Variants in INPP4B observed in about 807,000 individuals in gnomAD.
INPP4B encodes inositol polyphosphate-4-phosphatase type II B, also known as inositol polyphosphate 4-phosphatase type II.
INPP4B carries 55 observed loss-of-function variants against 122.5 expected under a neutral mutation model. The observed-to-expected ratio is 0.45, with a 90% CI of 0.36 to 0.56. INPP4B has a LOEUF of 0.56. INPP4B is among the 20% of genes least tolerant of loss of function. The pLI is 0.00. For synonymous variants in INPP4B, 403 were observed against 388.7 expected, an observed-to-expected ratio of 1.04 and a Z score of -0.43; for missense variants, 1,000 against 1,097.7, an observed-to-expected ratio of 0.91 and a Z score of 1.26.
rs569404116 is a variant in INPP4B, at chr4:142,814,978, C to T, written c.-254+31231G>A. Among the ~76,000 whole-genome samples, 6 of 152,218 alleles carry T rather than the reference C, an allele frequency of 3.9e-5. No homozygotes were observed. In the South Asian group the frequency reaches 6.2e-4, roughly 16 times the overall value. ...TGCTGCAGTGGAGACTCCTGATAAA[C>T]ACTACCTTATCAGGTGATCAAGGTT... On this transcript the variant is annotated intron_variant, in intron 1 of 25. Coordinates refer to ENST00000262992, the MANE Select transcript of INPP4B (RefSeq NM_001101669.3).
At chr4:142,064,730 CAAAT>C (rs748979848) in intron 25 of INPP4B, among the ~76,000 whole-genome samples, 60 of 151,860 alleles carry the variant, frequency 4.0e-4, no homozygotes, top group Non-Finnish European at 7.2e-4. Context: ...AGCACAAAAT[CAAAT>C]AAAACTATTA....
intron 2 of INPP4B, among the ~76,000 whole-genome samples, chr4:142,496,514 T>G (rs1580211457): frequency 6.6e-6 from 1 of 152,168 alleles, no homozygotes. Context: ...AAAATGGTAG[T>G]TTTTATTTAC....
chr4:142,298,794 C>G (rs904209410), intron 9 of INPP4B, among the ~76,000 whole-genome samples: 4 of 151,014 alleles, frequency 2.6e-5, no homozygotes, highest in Non-Finnish European at 3.0e-5. Context: ...TCTCAATAAT[C>G]TCCATTCCTT....
chr4:142,632,611 C>T (rs774888296), intron 2 of INPP4B, among the ~76,000 whole-genome samples: 8 of 151,466 alleles, frequency 5.3e-5, no homozygotes, highest in South Asian at 4.2e-4. Context: ...AATATCAATG[C>T]TATAAAATAC....
At chr4:142,742,469 G>A (rs1768046065) in intron 1 of INPP4B, among the ~76,000 whole-genome samples, 1 of 151,860 alleles carries the variant, frequency 6.6e-6, no homozygotes, top group Non-Finnish European at 1.5e-5. Context: ...AAGACAATTA[G>A]CAATAAACAG....
intron 2 of INPP4B, among the ~76,000 whole-genome samples, chr4:142,595,541 C>T (rs936498616): frequency 1.3e-5 from 2 of 152,118 alleles, no homozygotes; most frequent in South Asian, 2.1e-4. Context: ...GAACAGAAAA[C>T]TTATTTTATG....
chr4:142,398,791 A>C (rs1254621271), intron 7 of INPP4B, among the ~76,000 whole-genome samples: 2 of 152,116 alleles, frequency 1.3e-5, no homozygotes, highest in East Asian at 3.9e-4. Context: ...TGAAAGTTTC[A>C]AATACAGGGT....
chr4:142,135,228 A>G (rs1337059110), intron 18 of INPP4B, among the ~76,000 whole-genome samples: 1 of 152,236 alleles, frequency 6.6e-6, no homozygotes, highest in Non-Finnish European at 1.5e-5. Flanking sequence ...TGGAGATTCA[A>G]GAACAAATCA....
At chr4:142,506,116 T>G (rs1823995228) in intron 2 of INPP4B, among the ~76,000 whole-genome samples, 1 of 152,178 alleles carries the variant, frequency 6.6e-6, no homozygotes, top group African/African-American at 2.4e-5. Flanking sequence ...ACCCTAGACT[T>G]TGTCTAATAA....
At position 142,721,791 on chromosome 4, in the gene INPP4B, G is replaced by A. The variant is rs577649958; in HGVS notation, c.-191+4048C>T. ...AGCCGAGATCGCGCCACTGCACTCC[G>A]GCCTGGGTGACAGAGAGAGACTCCG... On this transcript the variant is annotated intron_variant, in intron 2 of 25. Transcript: ENST00000262992. Among the ~76,000 whole-genome samples, 430 of 152,152 alleles carry A rather than the reference G, an allele frequency of 2.8e-3. 1 individual carries two copies. The highest frequency in any genetic ancestry group is 9.5e-3 in the African/African-American group (395 of 41,528).
At chr4:142,555,942 T>C (rs542048285) in intron 2 of INPP4B, among the ~76,000 whole-genome samples, 1 of 152,122 alleles carries the variant, frequency 6.6e-6, no homozygotes, top group Non-Finnish European at 1.5e-5. Context: ...GCTGTGTGTG[T>C]GTGTATATAC....
chr4:142,442,281 A>G (rs1811927814), intron 3 of INPP4B, among the ~76,000 whole-genome samples: 3 of 151,802 alleles, frequency 2.0e-5, no homozygotes. Context: ...ACGTGGTGGC[A>G]TGTGCCTGTA....
At position 142,112,650 on chromosome 4, in the gene INPP4B, G is replaced by T. The variant is rs369262428; in HGVS notation, c.2168C>A (p.Ala723Asp). ...TAGAGGTAGTGACTCAAACATTCTGGCTGGAAGCTTGACCTCTACCACGTA... is the reference window on the plus strand; with the variant it reads ...TAGAGGTAGTGACTCAAACATTCTGTCTGGAAGCTTGACCTCTACCACGTA... The part of the protein sequence containing the change: ...EHYVVEVKLP[A>D]RMFESLPLQI... Residue 723 changes from alanine to aspartate, a missense_variant, in exon 22 of 26, where the codon GCC (alanine) becomes GAC (aspartate). Ala to Asp is a moderately radical substitution (Grantham distance 126, BLOSUM62 -2). Coordinates refer to ENST00000262992, the MANE Select transcript of INPP4B (RefSeq NM_001101669.3). 1 of 1,612,890 alleles carries T rather than the reference G, an allele frequency of 6.2e-7. No homozygotes were observed. The highest frequency in any genetic ancestry group is 2.2e-5 in the East Asian group (1 of 44,794).
At chr4:142,403,566 G>C (rs1053349970) in intron 6 of INPP4B, among the ~76,000 whole-genome samples, 1 of 151,598 alleles carries the variant, frequency 6.6e-6, no homozygotes, top group African/African-American at 2.4e-5. Context: ...AGAATCACTT[G>C]AAAACTAATG....
intron 9 of INPP4B, among the ~76,000 whole-genome samples, chr4:142,296,877 A>G (rs1211493400): frequency 6.6e-6 from 1 of 152,206 alleles, no homozygotes; most frequent in African/African-American, 2.4e-5. Context: ...TCGTGTCCCT[A>G]AGGGCCTTTA....
chr4:142,803,351 C>T (rs1490668205), intron 1 of INPP4B, among the ~76,000 whole-genome samples: 1 of 151,774 alleles, frequency 6.6e-6, no homozygotes, highest in Non-Finnish European at 1.5e-5. Flanking sequence ...AGTAGATACT[C>T]AGAAATGCTT....
chr4:142,226,061 G>C (rs1352157511), intron 12 of INPP4B, among the ~76,000 whole-genome samples: 1 of 152,108 alleles, frequency 6.6e-6, no homozygotes. Flanking sequence ...CTTTGAAATA[G>C]TACAAAATTT....
chr4:142,601,493 T>A (rs866521209), intron 2 of INPP4B, among the ~76,000 whole-genome samples: 2 of 149,670 alleles, frequency 1.3e-5, no homozygotes, highest in Non-Finnish European at 3.0e-5. Context: ...ATCAAAAAAA[T>A]TATTAAATAA....
chr4:142,771,515 G>A (rs1270364642), intron 1 of INPP4B, among the ~76,000 whole-genome samples: 1 of 152,066 alleles, frequency 6.6e-6, no homozygotes, highest in Non-Finnish European at 1.5e-5. Flanking sequence ...GATGATGGTG[G>A]CTTGGAACAA....
Sources: allele counts gnomAD v4.1 joint callset (sites outside exome capture counted in the v4.1 genomes callset), GRCh38; gene constraint gnomAD v4.1.1; transcripts MANE v1.5; gene names NCBI Gene and HGNC (gene_info 2026-07-23, HGNC 2026-07-21).